The following SEPTIN2 variants were observed in gnomAD, a reference collection of about 807,000 sequenced individuals.
SEPTIN2 encodes the protein septin-2.
Under a neutral mutation model 46.5 loss-of-function variants are expected in SEPTIN2, and 34 were observed. The observed-to-expected ratio is 0.73, with a 90% CI of 0.56 to 0.97. The LOEUF (loss-of-function observed/expected upper bound fraction) is 0.97, where lower values mean the gene tolerates loss of function less well. SEPTIN2 is among the 50% of genes least tolerant of loss of function. SEPTIN2 has a pLI of 0.00. For synonymous variants in SEPTIN2, 175 were observed against 153.4 expected (o/e 1.14, Z -1.04); for missense variants, 347 against 448.4 (o/e 0.77, Z 2.04).
At chr2:241,343,448 G>A (rs191639364) in intron 8 of SEPTIN2, among the ~76,000 whole-genome samples, 9 of 151,736 alleles carry the variant, frequency 5.9e-5, no homozygotes, top group Non-Finnish European at 1.2e-4. Flanking sequence ...GCAGTGAGCC[G>A]AGATCGCGCC....
At chr2:241,346,871 G>A (rs1038529738) in intron 10 of SEPTIN2, among the ~76,000 whole-genome samples, 2 of 152,228 alleles carry the variant, frequency 1.3e-5, no homozygotes, top group Non-Finnish European at 2.9e-5. Context: ...CAGCACCTGA[G>A]TTAAGGGTGA....
At chr2:241,347,576 A>G (rs1219815487) in intron 10 of SEPTIN2, among the ~76,000 whole-genome samples, 1 of 152,198 alleles carries the variant, frequency 6.6e-6, no homozygotes, top group African/African-American at 2.4e-5. Flanking sequence ...TCTCAAAGCA[A>G]ATTCTTCAGA....
In SEPTIN2 at chr2:241,315,928, G is replaced by C. The variant is rs1471150966; in HGVS notation, c.-72G>C. ...GGCGGGCTGTGAGCGGACCGCGAGC[G>C]CTGGGCGGGTCCGCGGCGCGGTCGG... On this transcript the variant is annotated 5_prime_UTR_variant, in exon 1 of 13. Transcript: ENST00000391971. The C allele has an allele frequency of 6.6e-6, 1 of 152,206 alleles. No homozygotes were observed. Among genetic ancestry groups the C allele is most frequent in the African/African-American group, 2.4e-5 (1 of 41,420 alleles). The allele number at this position is 152,206 out of a possible 1,614,324, so 9.4% of individuals were successfully genotyped here.
At chr2:241,346,941 G>A (rs886104748) in intron 10 of SEPTIN2, among the ~76,000 whole-genome samples, 3 of 152,142 alleles carry the variant, frequency 2.0e-5, no homozygotes, top group African/African-American at 7.2e-5. Context: ...TTCGATCCTC[G>A]CAAAGTCCTG....
chr2:241,328,625 C>T (rs928500551), intron 3 of SEPTIN2, among the ~76,000 whole-genome samples: 1 of 151,964 alleles, frequency 6.6e-6, no homozygotes, highest in Non-Finnish European at 1.5e-5. Context: ...GCCTGTAATC[C>T]CAGCTACTCG....
chr2:241,316,712 C>T (rs2076344768), intron 1 of SEPTIN2: 2 of 478,676 alleles, frequency 4.2e-6, no homozygotes, highest in Non-Finnish European at 7.4e-6. Context: ...TTTACCTTTT[C>T]GGTCTAATTC....
chr2:241,347,176 G>A lies in SEPTIN2; in HGVS notation c.926+927G>A, dbSNP rs115739851. ...GGGGAGGATTCCTTGAGCCCAGTAG[G>A]TCCAGGCTGCAGTGAGCTATGGTCG... On this transcript the variant is annotated intron_variant, in intron 10 of 12. Transcript: ENST00000391971. Among the ~76,000 whole-genome samples, 294 of 152,116 alleles carry A rather than the reference G, an allele frequency of 1.9e-3. 1 individual carries two copies. The highest frequency in any genetic ancestry group is 6.1e-3 in the African/African-American group (252 of 41,464).
chr2:241,316,617 G>A, intron 1 of SEPTIN2: 1 of 1,265,206 alleles, frequency 7.9e-7, no homozygotes, highest in Non-Finnish European at 1.1e-6. Context: ...GCCCGGGGAT[G>A]AGGAGCAAAC....
chr2:241,335,047 A>G, intron 3 of SEPTIN2, 79 bp from the exon 4 acceptor site: 2 of 925,272 alleles, frequency 2.2e-6, no homozygotes. Context: ...GCCCAGTACC[A>G]GGCCTTATGT....
At chr2:241,326,176 A>C (rs1575177756) in intron 3 of SEPTIN2, 63 bp downstream of exon 3, 3 of 1,509,396 alleles carry the variant, frequency 2.0e-6, no homozygotes, top group Admixed American at 4.0e-5. Context: ...CAATCTCTGG[A>C]GTATGATAAC....
rs1355958297 is a variant in SEPTIN2 at position 241,324,197 on chromosome 2, T to C, written c.-17-19T>C. 2 of 1,608,964 alleles carry C rather than the reference T, an allele frequency of 1.2e-6. No homozygotes were observed. The highest frequency in any genetic ancestry group is 8.5e-7 in the Non-Finnish European group (1 of 1,177,982). On this transcript the variant is annotated intron_variant, in intron 1 of 12. Coordinates refer to ENST00000391971, the MANE Select transcript of SEPTIN2 (RefSeq NM_004404.5). ...ATGTATGTGCGTTTATGTGTGTCTG[T>C]GTGTTTTTTTTTTAACAGACGAAGC... is the stretch of plus-strand genomic sequence containing the variant.
At chr2:241,342,939 A>G in intron 7 of SEPTIN2, 53 bp from the exon 8 acceptor site, 2 of 899,934 alleles carry the variant, frequency 2.2e-6, no homozygotes, top group Non-Finnish European at 3.6e-6. Context: ...AGAATTGGCT[A>G]CAATAACATA....
At chr2:241,331,445 AGAGT>A (rs1389639485) in intron 3 of SEPTIN2, among the ~76,000 whole-genome samples, 7 of 152,196 alleles carry the variant, frequency 4.6e-5, no homozygotes, top group Non-Finnish European at 7.3e-5. Context: ...CATCCAGGCT[AGAGT>A]GCAATGGTAT....
At chr2:241,331,003 C>G (rs780677408) in intron 3 of SEPTIN2, among the ~76,000 whole-genome samples, 6 of 152,158 alleles carry the variant, frequency 3.9e-5, no homozygotes, top group Non-Finnish European at 1.5e-5. Flanking sequence ...AACTTCATCT[C>G]TTTAGTACTT....
intron 3 of SEPTIN2, among the ~76,000 whole-genome samples, chr2:241,327,129 TTGTG>T (rs2078127582): frequency 6.8e-6 from 1 of 146,068 alleles, no homozygotes. Context: ...TAATAGAAAA[TTGTG>T]TGGCATCAAA....
chr2:241,321,620 A>G (rs2077142909), intron 1 of SEPTIN2, among the ~76,000 whole-genome samples: 2 of 152,122 alleles, frequency 1.3e-5, no homozygotes, highest in South Asian at 4.1e-4. Context: ...TTCTCCTTTA[A>G]GCAGAGAATT....
At chr2:241,349,715 G>A (rs2150221083) in intron 11 of SEPTIN2, among the ~76,000 whole-genome samples, 1 of 152,224 alleles carries the variant, frequency 6.6e-6, no homozygotes, top group East Asian at 1.9e-4. Flanking sequence ...CAGCTACTCA[G>A]GAGGCTGAGG....
intron 3 of SEPTIN2, among the ~76,000 whole-genome samples, chr2:241,331,006 T>C (rs745307621): frequency 3.9e-5 from 6 of 152,152 alleles, no homozygotes; most frequent in African/African-American, 7.2e-5. Context: ...TTCATCTCTT[T>C]AGTACTTTTG....
chr2:241,319,091 A>G (rs1559586041), intron 1 of SEPTIN2, among the ~76,000 whole-genome samples: 1 of 152,250 alleles, frequency 6.6e-6, no homozygotes, highest in African/African-American at 2.4e-5. Context: ...TCACCAAGGT[A>G]GTATTAAATA....
Sources: gnomAD v4.1 joint callset for allele counts (sites outside exome capture counted in the v4.1 genomes callset) on GRCh38, gnomAD v4.1.1 for gene constraint, MANE v1.5 for transcripts, NCBI Gene and HGNC (gene_info 2026-07-23, HGNC 2026-07-21) for gene names.